NELL1: variants seen among roughly 807,000 people sequenced by gnomAD.
NELL1 encodes protein kinase C-binding protein NELL1.
In NELL1, 76 loss-of-function variants were observed where a neutral mutation model predicts 107.4. The ratio of observed to expected loss-of-function variants is 0.71; its 90% CI spans 0.59 to 0.86. The LOEUF is 0.86. NELL1 is among the 40% of genes least tolerant of loss of function. NELL1 has a pLI of 0.00. For missense variants in NELL1, 1,024 were observed against 1,005.5 expected (o/e 1.02, Z -0.25); for synonymous variants, 353 against 341.2 (o/e 1.03, Z -0.38).
chr11:21,401,126 TG>T (rs1852087783), intron 15 of NELL1, among the ~76,000 whole-genome samples: 1 of 151,924 alleles, frequency 6.6e-6, no homozygotes, highest in African/African-American at 2.4e-5. Flanking sequence ...TAATGTTGGC[TG>T]TTAAAGCTGA....
At chr11:20,788,250 ACT>A (rs1210418478) in intron 3 of NELL1, among the ~76,000 whole-genome samples, 8 of 151,934 alleles carry the variant, frequency 5.3e-5, no homozygotes, top group African/African-American at 1.9e-4. Flanking sequence ...TCAGATGGAA[ACT>A]CTGTTTAACT....
intron 15 of NELL1, among the ~76,000 whole-genome samples, chr11:21,412,293 G>A (rs1852398054): frequency 6.6e-6 from 1 of 151,802 alleles, no homozygotes. Context: ...TTTTGTTTGG[G>A]GTGAATTTAG....
chr11:20,825,583 T>C (rs944252179), intron 3 of NELL1, among the ~76,000 whole-genome samples: 1 of 151,388 alleles, frequency 6.6e-6, no homozygotes, highest in African/African-American at 2.4e-5. Flanking sequence ...TGCATGGGCC[T>C]GCAGCCTCTT....
chr11:21,418,775 C>A (rs920378778), intron 15 of NELL1, among the ~76,000 whole-genome samples: 7 of 152,066 alleles, frequency 4.6e-5, no homozygotes, highest in Non-Finnish European at 8.8e-5. Flanking sequence ...TTGCATAGTT[C>A]AGCTACCTCC....
intron 2 of NELL1, among the ~76,000 whole-genome samples, chr11:20,738,460 A>G (rs1477744535): frequency 6.6e-6 from 1 of 152,186 alleles, no homozygotes; most frequent in Admixed American, 6.5e-5. Context: ...TTCAGCTTAG[A>G]TGCAGGGTCC....
At chr11:21,196,729 G>A (rs1164625708) in intron 13 of NELL1, among the ~76,000 whole-genome samples, 1 of 152,040 alleles carries the variant, frequency 6.6e-6, no homozygotes, top group Non-Finnish European at 1.5e-5. Context: ...CTGCTAGAAT[G>A]TGAGCTGTAT....
chr11:21,559,375 C>T (rs1179757165), intron 16 of NELL1, among the ~76,000 whole-genome samples: 1 of 151,948 alleles, frequency 6.6e-6, no homozygotes, highest in Non-Finnish European at 1.5e-5. Context: ...AATGGATTGC[C>T]TTTTGGGGAA....
At chr11:21,204,451 C>T (rs1857344752) in intron 13 of NELL1, among the ~76,000 whole-genome samples, 1 of 151,896 alleles carries the variant, frequency 6.6e-6, no homozygotes, top group African/African-American at 2.4e-5. Flanking sequence ...CTGTGTTTTT[C>T]AGCTCCATCA....
chr11:21,388,612 T>G (rs1851798796), intron 15 of NELL1, among the ~76,000 whole-genome samples: 1 of 151,864 alleles, frequency 6.6e-6, no homozygotes, highest in African/African-American at 2.4e-5. Context: ...GGTTAAATAA[T>G]TCATGTAAGT....
intron 2 of NELL1, 41 bp from the exon 3 acceptor site, chr11:20,783,639 C>A (rs1166277835): frequency 6.6e-7 from 1 of 1,507,726 alleles, no homozygotes; most frequent in East Asian, 2.3e-5. Flanking sequence ...CCTTCCTCTT[C>A]TCCTCTCCTG....
At chr11:20,908,221 T>C (rs1393874267) in intron 5 of NELL1, among the ~76,000 whole-genome samples, 1 of 152,164 alleles carries the variant, frequency 6.6e-6, no homozygotes, top group East Asian at 1.9e-4. Flanking sequence ...CAAAGGAATA[T>C]AAGTCAATCT....
intron 13 of NELL1, 44 bp downstream of exon 13, chr11:21,113,758 T>C (rs753246005): frequency 3.1e-6 from 5 of 1,598,378 alleles, no homozygotes; most frequent in Non-Finnish European, 2.6e-6. Context: ...TCATCCATTC[T>C]CTGCACCATG....
intron 15 of NELL1, among the ~76,000 whole-genome samples, chr11:21,512,801 A>G (rs766110077): frequency 2.2e-4 from 34 of 152,184 alleles, no homozygotes; most frequent in Admixed American, 3.9e-4. Context: ...AATAAAAGCT[A>G]CATGACTAGA....
intron 2 of NELL1, among the ~76,000 whole-genome samples, chr11:20,721,699 T>C (rs561393658): frequency 2.0e-5 from 3 of 152,284 alleles, no homozygotes; most frequent in Non-Finnish European, 4.4e-5. Context: ...CATAATATAA[T>C]ATTTTAATGT....
At chr11:20,773,368 T>C (rs1002163210) in intron 2 of NELL1, 15 of 152,228 alleles carry the variant, frequency 9.9e-5, no homozygotes, top group African/African-American at 3.6e-4. Flanking sequence ...ACTTATTGAT[T>C]TAATCTTTAT....
intron 13 of NELL1, among the ~76,000 whole-genome samples, chr11:21,161,679 A>G (rs1280702825): frequency 6.6e-6 from 1 of 152,176 alleles, no homozygotes; most frequent in Non-Finnish European, 1.5e-5. Context: ...TAAAGTAAGA[A>G]AAGGTAAAAT....
chr11:21,215,070 T>A (rs1313680028), intron 13 of NELL1, among the ~76,000 whole-genome samples: 2 of 152,170 alleles, frequency 1.3e-5, no homozygotes, highest in Admixed American at 1.3e-4. Context: ...CATCTTGAAT[T>A]GTCATTCCCA....
intron 2 of NELL1, among the ~76,000 whole-genome samples, chr11:20,753,955 T>A (rs541309398): frequency 7.2e-4 from 110 of 152,338 alleles, no homozygotes; most frequent in Non-Finnish European, 1.3e-3. Context: ...TGGAACTGTG[T>A]CTCATTGGTT....
chr11:20,819,649 A>T (rs1046336526), intron 3 of NELL1, among the ~76,000 whole-genome samples: 4 of 152,252 alleles, frequency 2.6e-5, no homozygotes, highest in Non-Finnish European at 5.9e-5. Context: ...AATGAAAAAT[A>T]TAACATTCAG....
Sources: gnomAD v4.1 joint callset for allele counts (sites outside exome capture counted in the v4.1 genomes callset) on GRCh38, gnomAD v4.1.1 for gene constraint, MANE v1.5 for transcripts, NCBI Gene and HGNC (gene_info 2026-07-23, HGNC 2026-07-21) for gene names.